Variants in LARS1 observed in about 807,000 individuals in gnomAD.
LARS1 encodes the protein leucyl-tRNA synthetase 1.
Under a neutral mutation model 162.8 loss-of-function variants are expected in LARS1, and 100 were observed. The observed-to-expected ratio is 0.61, with a 90% CI of 0.52 to 0.73. The LOEUF (loss-of-function observed/expected upper bound fraction) is 0.73. Ranked by LOEUF, LARS1 falls within the 30% of genes least tolerant of loss-of-function variation. The pLI is 0.00. For synonymous variants in LARS1, 457 were observed against 462.8 expected (o/e 0.99, Z 0.16); for missense variants, 1,258 against 1,408.9 (o/e 0.89, Z 1.71).
intron 27 of LARS1, 32 bp downstream of exon 27, chr5:146,128,640 A>G: frequency 7.0e-7 from 1 of 1,424,092 alleles, no homozygotes; most frequent in Non-Finnish European, 9.5e-7. Context: ...ATACAACACC[A>G]TCAGGGGGGA....
At chr5:146,126,588 T>G in intron 27 of LARS1, 43 bp from the exon 28 acceptor site, 1 of 1,388,504 alleles carries the variant, frequency 7.2e-7, no homozygotes, top group Non-Finnish European at 1.0e-6. Flanking sequence ...AAAAAAAGTC[T>G]CAAGAATAAG....
At chr5:146,159,703 G>A (rs2126541331) in intron 7 of LARS1, among the ~76,000 whole-genome samples, 1 of 152,046 alleles carries the variant, frequency 6.6e-6, no homozygotes, top group African/African-American at 2.4e-5. Flanking sequence ...ACTGATCTTG[G>A]CTTTGTGGTA....
Position 146,172,199 on chromosome 5 carries a change from CATAAAAATTAAAT to C in LARS1, c.214-222_214-210del, listed in dbSNP as rs1754314439. Among the ~76,000 whole-genome samples the C allele has an allele frequency of 2.0e-5, 3 of 152,180 alleles. No homozygotes were observed. In the South Asian group the frequency reaches 6.2e-4, roughly 32 times the overall value. On this transcript the variant is annotated intron_variant, in intron 3 of 31. Transcript: ENST00000394434. ...CCCTTGCACACATACACATATGGCACATAAAAATTAAATATAAAAATTAAATTACTTAAATGGG... is the reference window on the plus strand; with the variant it reads ...CCCTTGCACACATACACATATGGCACATAAAAATTAAATTACTTAAATGGG...
In LARS1 at chr5:146,120,480, C is replaced by A; in HGVS notation, c.3216G>T (p.Val1072=). The stretch of plus-strand genomic sequence containing the variant: ...AGTGGCCATTGGATGGCTGGGGATT[C>A]ACCAGAGAAACGGACACACCAGGCT... ...RIEPGVSVSL[V]NPQPSNGHFS... is the part of the protein sequence containing the mutation. The change falls in exon 31 of 32, where the codon GTG becomes GTT. Residue 1072 remains valine, a synonymous_variant. Transcript: ENST00000394434. 6.2e-7 allele frequency: 1 copy of A among 1,612,954 alleles called. No individual in the cohort carries two copies. The highest frequency in any genetic ancestry group is 1.1e-5 in the South Asian group (1 of 90,942).
intron 4 of LARS1, among the ~76,000 whole-genome samples, chr5:146,170,808 A>G (rs1754236625): frequency 6.6e-6 from 1 of 151,354 alleles, no homozygotes; most frequent in Admixed American, 6.6e-5. Context: ...CAGCCTGGCC[A>G]ACATGGTGAA....
At chr5:146,178,168 A>G (rs1414139580) in intron 1 of LARS1, among the ~76,000 whole-genome samples, 1 of 152,204 alleles carries the variant, frequency 6.6e-6, no homozygotes, top group Non-Finnish European at 1.5e-5. Flanking sequence ...AATTACTGAA[A>G]TATGTAAAAG....
rs560251995 is a variant in LARS1 at position 146,174,385 on chromosome 5, C to T, written c.126-1611G>A. ...GCTTGAACACGGGAGTCGGAGGTTGCGGTGAGCCGAGATCACACCATTGCA... is the reference window on the plus strand; with the variant it reads ...GCTTGAACACGGGAGTCGGAGGTTGTGGTGAGCCGAGATCACACCATTGCA... On this transcript the variant is annotated intron_variant, in intron 2 of 31. Transcript: ENST00000394434. Among the ~76,000 whole-genome samples the T allele has an allele frequency of 4.1e-5, 6 of 146,012 alleles. No homozygotes were observed. The East Asian group carries it at 1.0e-3, about 24-fold the overall frequency.
In LARS1 at chr5:146,144,713, A is replaced by C. The variant is rs59700447; in HGVS notation, c.1504-4T>G. The C allele has an allele frequency of 2.4e-4, 387 of 1,610,160 alleles. 1 individual carries two copies. In the African/African-American group the frequency reaches 4.8e-3, roughly 20 times the overall value. On this transcript the variant is annotated splice_polypyrimidine_tract_variant and splice_region_variant and intron_variant, in intron 15 of 31. Transcript: ENST00000394434. ...CCATGTAAATAAGTGCATCTCCCTAAAGGAAGGTAAATAAACATACATTAG... is the reference window on the plus strand; with the variant it reads ...CCATGTAAATAAGTGCATCTCCCTACAGGAAGGTAAATAAACATACATTAG...
chr5:146,169,709 C>T (rs1754175893), intron 4 of LARS1, among the ~76,000 whole-genome samples: 1 of 151,930 alleles, frequency 6.6e-6, no homozygotes, highest in Non-Finnish European at 1.5e-5. Flanking sequence ...CCACCACGCC[C>T]GGCTAATTTT....
At chr5:146,158,892 C>A (rs1286555323) in intron 8 of LARS1, among the ~76,000 whole-genome samples, 3 of 152,046 alleles carry the variant, frequency 2.0e-5, no homozygotes, top group East Asian at 1.9e-4. Flanking sequence ...GTCAGGAGAT[C>A]GAGACCATCC....
chr5:146,159,209 CAT>C (rs1197682799), intron 8 of LARS1, among the ~76,000 whole-genome samples, 196 bp downstream of exon 8: 1 of 152,148 alleles, frequency 6.6e-6, no homozygotes, highest in Non-Finnish European at 1.5e-5. Flanking sequence ...GCTGTCCTCA[CAT>C]GACTCTTAGG....
chr5:146,137,328 A>C (rs1752558665), intron 21 of LARS1, among the ~76,000 whole-genome samples: 1 of 150,368 alleles, frequency 6.7e-6, no homozygotes, highest in Non-Finnish European at 1.5e-5. Context: ...TTAATGAGGA[A>C]TAAATAATTT....
chr5:146,159,558 C>A, intron 7 of LARS1, 88 bp from the exon 8 acceptor site: 1 of 948,008 alleles, frequency 1.1e-6, no homozygotes, highest in Non-Finnish European at 1.7e-6. Context: ...TAATTTCTTA[C>A]ATGTCTTGCA....
chr5:146,130,625 G>T, intron 24 of LARS1: 1 of 173,372 alleles, frequency 5.8e-6, no homozygotes, highest in East Asian at 1.7e-4. Context: ...CACTTTAAAT[G>T]CCAAACTTGA....
At chr5:146,158,647 A>G (rs1033042083) in intron 8 of LARS1, among the ~76,000 whole-genome samples, 1 of 152,360 alleles carries the variant, frequency 6.6e-6, no homozygotes, top group South Asian at 2.1e-4. Flanking sequence ...AAGAAGGCAC[A>G]TGATCAAAGC....
rs780368720 is a variant in LARS1 at position 146,164,478 on chromosome 5, A to C, written c.433-7T>G. 1.2e-5 allele frequency: 19 copies of C among 1,612,470 alleles called. No individual in the cohort carries two copies. Among genetic ancestry groups the C allele is most frequent in the Non-Finnish European group, 1.6e-5 (19 of 1,179,484 alleles). On this transcript the variant is annotated splice_region_variant and splice_polypyrimidine_tract_variant and intron_variant, in intron 5 of 31. Coordinates refer to ENST00000394434, the MANE Select transcript of LARS1 (RefSeq NM_020117.11). ...CTTTAGCAGCAGCTTTACTCTGAAA[A>C]TAATGGAGAAAAATAAACTCGATCA...
At chr5:146,133,393 G>T (rs2126435821) in intron 22 of LARS1, among the ~76,000 whole-genome samples, 1 of 152,210 alleles carries the variant, frequency 6.6e-6, no homozygotes, top group African/African-American at 2.4e-5. Flanking sequence ...ATAAAGTGGG[G>T]ATAAAGACAC....
chr5:146,150,864 G>A (rs946462082), intron 14 of LARS1, among the ~76,000 whole-genome samples: 13 of 151,154 alleles, frequency 8.6e-5, no homozygotes, highest in South Asian at 8.4e-4. Flanking sequence ...GCTTGAACCC[G>A]GAAGTTGGAG....
At chr5:146,144,192 G>A (rs994455709) in intron 18 of LARS1, 75 bp downstream of exon 18, 8 of 1,086,398 alleles carry the variant, frequency 7.4e-6, no homozygotes, top group Non-Finnish European at 5.4e-6. Flanking sequence ...TGAGGGCAGG[G>A]GGGAAAGGTA....
Sources: allele counts gnomAD v4.1 joint callset (sites outside exome capture counted in the v4.1 genomes callset), GRCh38; gene constraint gnomAD v4.1.1; transcripts MANE v1.5; gene names NCBI Gene and HGNC (gene_info 2026-07-23, HGNC 2026-07-21).